ZP4: variants seen among roughly 807,000 people sequenced by gnomAD.
ZP4 encodes the protein zona pellucida glycoprotein 4.
ZP4 carries 62 observed loss-of-function variants against 62.3 expected under a neutral mutation model. That is an observed-to-expected ratio of 0.99 (90% CI 0.81 to 1.23). ZP4 has a LOEUF of 1.23. Among genes scored for constraint, ZP4 ranks in the 50% most tolerant of loss-of-function variants. The probability of loss-of-function intolerance (pLI) is 0.00; values close to 1 mark genes in which losing one functional copy is unlikely to be tolerated. For missense variants in ZP4, 774 were observed against 656.0 expected, an observed-to-expected ratio of 1.18 and a Z score of -1.97; for synonymous variants, 289 against 247.3, an observed-to-expected ratio of 1.17 and a Z score of -1.58.
intron 10 of ZP4, among the ~76,000 whole-genome samples, chr1:237,883,736 A>AGG (rs1664987553): frequency 2.0e-5 from 1 of 49,488 alleles, no homozygotes; most frequent in Non-Finnish European, 5.0e-5. Flanking sequence ...GGGGAGGGAG[A>AGG]GAGAGGGAGA....
rs1299635866 is a variant in ZP4, at chr1:237,885,867, A to T, written c.859T>A (p.Tyr287Asn). 1 of 1,614,210 alleles carries T rather than the reference A, an allele frequency of 6.2e-7. No individual in the cohort carries two copies. The highest frequency in any genetic ancestry group is 2.2e-5 in the East Asian group (1 of 44,874). ...GGGAGAGAGTTGCTACTTACTGAGT[A>T]GCTGCAGCTGACATGGAGCCTGCAG... is the stretch of plus-strand genomic sequence containing the variant. ...SIFRLHVSCSYSVSSNSLPIN... is the reference protein window; with the variant it reads ...SIFRLHVSCSNSVSSNSLPIN... The change falls in exon 7 of 12, where the codon TAC becomes AAC. Residue 287 changes from tyrosine (Y) to asparagine (N), a missense_variant. Coordinates refer to ENST00000366570, the MANE Select transcript of ZP4 (RefSeq NM_021186.5).
At chr1:237,889,335 T>TTTTA (rs1665182830) in intron 3 of ZP4, among the ~76,000 whole-genome samples, 2 of 136,382 alleles carry the variant, frequency 1.5e-5, no homozygotes, top group African/African-American at 3.1e-5. Context: ...TTTTTTTTTT[T>TTTTA]GAGACAGGGT....
chr1:237,885,840 T>G lies in ZP4; in HGVS notation c.886A>C (p.Ile296Leu). 1 of 1,614,036 alleles carries G rather than the reference T, an allele frequency of 6.2e-7. No individual in the cohort carries two copies. Among genetic ancestry groups the G allele is most frequent in the Non-Finnish European group, 8.5e-7 (1 of 1,179,982 alleles). Reference protein sequence around the residue: ...SYSVSSNSLPINVQVFTLPPP... With the variant: ...SYSVSSNSLPLNVQVFTLPPP... ...GGGAGAGTGAAAACCTGGACATTGA[T>G]TGGGAGAGAGTTGCTACTTACTGAG... is the stretch of plus-strand genomic sequence containing the variant. The change falls in exon 7 of 12, where the codon ATC (isoleucine) becomes CTC (leucine). Residue 296 changes from isoleucine (I) to leucine (L), a missense_variant. By Grantham distance (5) the Ile-to-Leu change is conservative. Coordinates refer to ENST00000366570, the MANE Select transcript of ZP4 (RefSeq NM_021186.5).
At chr1:237,884,053 A>ACACACAC (rs1204007300) in intron 10 of ZP4, among the ~76,000 whole-genome samples, 1 of 124,340 alleles carries the variant, frequency 8.0e-6, no homozygotes, top group African/African-American at 4.4e-5. Context: ...AACACACACA[A>ACACACAC]ACACACACAA....
chr1:237,885,474 G>T lies in ZP4; in HGVS notation c.1077C>A (p.Tyr359Ter). Residue 359 changes from tyrosine to a stop codon, truncating the protein, a stop_gained, in exon 8 of 12, where the codon TAC (tyrosine) becomes TAA (stop). Coordinates refer to ENST00000366570, the MANE Select transcript of ZP4 (RefSeq NM_021186.5). LOFTEE classifies it high-confidence loss of function. ...AACACTGTTGTAGGAGCAGCCCCAG[G>T]TAGGGGTCTGTTCTGTGAAGGATGG... ...EVSILHRTDPYLGLLLQQCWA... is the reference protein window; with the variant it reads ...EVSILHRTDP 1 of 1,614,156 alleles carries T rather than the reference G, an allele frequency of 6.2e-7. No individual in the cohort carries two copies. The highest frequency in any genetic ancestry group is 8.5e-7 in the Non-Finnish European group (1 of 1,180,022).
Position 237,890,220 on chromosome 1 carries a change from C to T in ZP4, c.176-44G>A, listed in dbSNP as rs560470228. On this transcript the variant is annotated intron_variant, in intron 1 of 11. Coordinates refer to ENST00000366570, the MANE Select transcript of ZP4 (RefSeq NM_021186.5). ...GGTGAGAAAACACAGCGGTCAGTCT[C>T]CAGTGCCAGAAAGGATAGTCAGCCT... is the stretch of plus-strand genomic sequence containing the variant. 6.3e-5 allele frequency: 101 copies of T among 1,612,136 alleles called. 2 individuals are homozygous for T. In the South Asian group the frequency reaches 1.1e-3, roughly 17 times the overall value.
At chr1:237,884,332 A>G (rs1429863256) in intron 10 of ZP4, among the ~76,000 whole-genome samples, 1 of 152,182 alleles carries the variant, frequency 6.6e-6, no homozygotes, top group African/African-American at 2.4e-5. Context: ...CCATGTAGAC[A>G]TACAGACACA....
At chr1:237,889,298 G>A (rs1665180769) in intron 3 of ZP4, among the ~76,000 whole-genome samples, 1 of 151,062 alleles carries the variant, frequency 6.6e-6, no homozygotes, top group African/African-American at 2.5e-5. Context: ...AAAACTTCCT[G>A]GCAAGAGATA....
intron 3 of ZP4, among the ~76,000 whole-genome samples, chr1:237,888,741 AC>A (rs1208648288): frequency 1.3e-5 from 2 of 152,200 alleles, no homozygotes; most frequent in African/African-American, 2.4e-5. Flanking sequence ...TTTTTTAAAA[AC>A]AAGAATGTCA....
At chr1:237,884,500 G>A (rs1571931691) in intron 10 of ZP4, among the ~76,000 whole-genome samples, 2 of 152,282 alleles carry the variant, frequency 1.3e-5, no homozygotes, top group South Asian at 2.1e-4. Flanking sequence ...TGAGACATAA[G>A]ATAGGCCATA....
At chr1:237,887,673 C>T in intron 4 of ZP4, 112 bp from the exon 5 acceptor site, 2 of 1,142,060 alleles carry the variant, frequency 1.8e-6, no homozygotes, top group Non-Finnish European at 2.5e-6. Flanking sequence ...CTGGTGACAA[C>T]TTCCCAGTGA....
At position 237,889,641 on chromosome 1, in the gene ZP4, G is replaced by T. The variant is rs186197419; in HGVS notation, c.400+226C>A. ...AGTAGTATTTGCAGCACTATGTTAG[G>T]GTTAGGGAAGGTAACACCTGAAGTG... On this transcript the variant is annotated intron_variant, in intron 3 of 11. Transcript: ENST00000366570. 4.6e-5 allele frequency among the ~76,000 whole-genome samples: 7 copies of T among 152,202 alleles called. No individual in the cohort carries two copies. In the East Asian group the frequency reaches 1.4e-3, roughly 29 times the overall value.
At chr1:237,890,350 G>T in intron 1 of ZP4, 111 bp downstream of exon 1, 2 of 1,484,464 alleles carry the variant, frequency 1.3e-6, no homozygotes, top group Non-Finnish European at 1.8e-6. Context: ...GCAGAAAGAT[G>T]CAACAGGGCT....
chr1:237,884,734 A>C (rs747174689), intron 10 of ZP4, 35 bp downstream of exon 10: 3 of 1,593,938 alleles, frequency 1.9e-6, no homozygotes, highest in Non-Finnish European at 2.6e-6. Flanking sequence ...CTCAAGATTC[A>C]TTCAAATCTG....
chr1:237,889,489 T>G (rs189622606), intron 3 of ZP4, among the ~76,000 whole-genome samples: 25 of 151,930 alleles, frequency 1.6e-4, no homozygotes, highest in African/African-American at 6.0e-4. Context: ...CGGCTGATTG[T>G]GTGTTTTTAG....
At chr1:237,889,823 A>G in intron 3 of ZP4, 44 bp downstream of exon 3, 1 of 1,064,586 alleles carries the variant, frequency 9.4e-7, no homozygotes, top group Non-Finnish European at 1.4e-6. Flanking sequence ...TTCACACCCC[A>G]CCCCCACCAC....
Position 237,887,444 on chromosome 1 carries a change from T to C in ZP4, c.671A>G (p.Asn224Ser), listed in dbSNP as rs925772716. ...AAAAGCTTGTGTTGCCATCACAGGG[T>C]TACACGCACTGTCATTCCTAAGGGC... ...RLALRNDSAC[N>S]PVMATQAFVL... The change falls in exon 5 of 12, where the codon AAC becomes AGC. Residue 224 changes from asparagine (N) to serine (S), a missense_variant. Coordinates refer to ENST00000366570, the MANE Select transcript of ZP4 (RefSeq NM_021186.5). 6.2e-7 allele frequency: 1 copy of C among 1,614,034 alleles called. No homozygotes were observed.
rs768445867 is a variant in ZP4 at position 237,884,889 on chromosome 1, G to C, written c.1312-42C>G. 7 of 1,590,256 alleles carry C rather than the reference G, an allele frequency of 4.4e-6. No homozygotes were observed. In the Admixed American group the frequency reaches 1.0e-4, roughly 23 times the overall value. On this transcript the variant is annotated intron_variant, in intron 9 of 11. Transcript: ENST00000366570. ...TTCAGGTCATTTGTAGTATCACCATGCCATGTATCTCTAAACCTGCTTTGC... is the reference window on the plus strand; with the variant it reads ...TTCAGGTCATTTGTAGTATCACCATCCCATGTATCTCTAAACCTGCTTTGC...
intron 10 of ZP4, among the ~76,000 whole-genome samples, chr1:237,883,646 GGGAGGGC>G (rs1471062261): frequency 1.7e-4 from 1 of 6,002 alleles, no homozygotes; most frequent in African/African-American, 6.1e-4. Flanking sequence ...GGGAGGGCGG[GGGAGGGC>G]GGGGGAGGGC....
Sources: allele counts gnomAD v4.1 joint callset (sites outside exome capture counted in the v4.1 genomes callset), GRCh38; gene constraint gnomAD v4.1.1; transcripts MANE v1.5; gene names NCBI Gene and HGNC (gene_info 2026-07-23, HGNC 2026-07-21).